The following ADAMTSL3 variants were observed in gnomAD, a reference collection of about 807,000 sequenced individuals.
ADAMTSL3 encodes the protein ADAMTS-like protein 3.
In ADAMTSL3, 128 loss-of-function variants were observed where a neutral mutation model predicts 201.7. That is an observed-to-expected ratio of 0.63 (90% CI 0.55 to 0.73). The LOEUF is 0.73. Ranked by LOEUF, ADAMTSL3 falls within the 30% of genes least tolerant of loss-of-function variation. The pLI is 0.00. For synonymous variants in ADAMTSL3, 738 were observed against 748.4 expected, an observed-to-expected ratio of 0.99 and a Z score of 0.23; for missense variants, 1,990 against 2,119.6, an observed-to-expected ratio of 0.94 and a Z score of 1.20.
rs147684905 is a variant in ADAMTSL3, at chr15:83,921,469, A to G, written c.1988-2435A>G. Among the ~76,000 whole-genome samples the G allele has an allele frequency of 1.8e-4, 27 of 152,308 alleles. No homozygotes were observed. In the East Asian group the frequency reaches 5.2e-3, roughly 29 times the overall value. On this transcript the variant is annotated intron_variant, in intron 16 of 29. Transcript: ENST00000286744. The stretch of plus-strand genomic sequence containing the variant: ...GATTGGCACATAAAAGGCTCTGACT[A>G]TGGATTTTAAAAAATCTCTCCTGGT...
chr15:83,720,189 A>G (rs1896814), intron 3 of ADAMTSL3, among the ~76,000 whole-genome samples: 14,418 of 152,242 alleles, frequency 0.095, 851 homozygotes, highest in East Asian at 0.28. Context: ...ACTGCACTCC[A>G]GCCTGGGTGT....
At chr15:84,003,529 T>C (rs2141866462) in intron 23 of ADAMTSL3, among the ~76,000 whole-genome samples, 1 of 152,282 alleles carries the variant, frequency 6.6e-6, no homozygotes, top group East Asian at 1.9e-4. Context: ...CTGTGTTCCC[T>C]TGGCTCCTCG....
intron 3 of ADAMTSL3, among the ~76,000 whole-genome samples, chr15:83,745,639 A>G (rs1046636387): frequency 2.6e-5 from 4 of 151,892 alleles, no homozygotes; most frequent in Non-Finnish European, 5.9e-5. Flanking sequence ...AGTGCAGTCC[A>G]CCCCTGCCAG....
At chr15:83,905,753 G>A (rs1054149095) in intron 15 of ADAMTSL3, among the ~76,000 whole-genome samples, 5 of 152,074 alleles carry the variant, frequency 3.3e-5, no homozygotes, top group East Asian at 3.9e-4. Context: ...ATTTTCTGGC[G>A]TGGAATTTCT....
At chr15:83,947,428 G>T (rs2066674178) in intron 19 of ADAMTSL3, among the ~76,000 whole-genome samples, 1 of 152,204 alleles carries the variant, frequency 6.6e-6, no homozygotes, top group Admixed American at 6.5e-5. Context: ...TCTGGACCAA[G>T]CCTTAGGCAG....
intron 3 of ADAMTSL3, among the ~76,000 whole-genome samples, chr15:83,705,509 A>G (rs1003762533): frequency 6.6e-6 from 1 of 152,232 alleles, no homozygotes; most frequent in East Asian, 1.9e-4. Context: ...CAACATGGGT[A>G]GATCCAAGAT....
rs1567169780 is a variant in ADAMTSL3, at chr15:83,823,952, CT to C, written c.600+3907del. Among the ~76,000 whole-genome samples, 434 of 92,740 alleles carry C rather than the reference CT, an allele frequency of 4.7e-3. 20 individuals carry two copies. The highest frequency in any genetic ancestry group is 0.026 in the East Asian group (69 of 2,626). 60.8% of individuals were successfully genotyped at this position (92,740 alleles called of 152,430 possible). ...TCTTCTTCTTCTTCTTCTTCTTCTT[CT>C]TCTTCTTCTTCTTCTTCTTCTCCTC... On this transcript the variant is annotated intron_variant, in intron 6 of 29. Coordinates refer to ENST00000286744, the MANE Select transcript of ADAMTSL3 (RefSeq NM_207517.3).
intron 27 of ADAMTSL3, among the ~76,000 whole-genome samples, 179 bp from the exon 28 acceptor site, chr15:84,031,156 A>C (rs1567314077): frequency 6.6e-6 from 1 of 152,140 alleles, no homozygotes; most frequent in African/African-American, 2.4e-5. Flanking sequence ...CTGACTCTGA[A>C]AAAGAGGTGT....
intron 7 of ADAMTSL3, among the ~76,000 whole-genome samples, chr15:83,854,816 A>G (rs1490677055): frequency 6.6e-6 from 1 of 152,164 alleles, no homozygotes; most frequent in Non-Finnish European, 1.5e-5. Context: ...TTTATATGTT[A>G]CTGACAATAT....
chr15:83,874,011 G>A (rs1200840345), intron 9 of ADAMTSL3, among the ~76,000 whole-genome samples: 2 of 145,420 alleles, frequency 1.4e-5, no homozygotes, highest in Non-Finnish European at 3.0e-5. Flanking sequence ...GGCCAAGCCC[G>A]GGGTCCTAAC....
intron 20 of ADAMTSL3, among the ~76,000 whole-genome samples, chr15:83,977,815 A>G (rs2141793427): frequency 6.6e-6 from 1 of 152,282 alleles, no homozygotes; most frequent in South Asian, 2.1e-4. Context: ...AGCAACCTGA[A>G]TTTACTGTAG....
intron 3 of ADAMTSL3, among the ~76,000 whole-genome samples, chr15:83,710,241 C>T (rs1159474277): frequency 1.3e-5 from 2 of 152,156 alleles, no homozygotes; most frequent in Admixed American, 6.5e-5. Context: ...CTTCCTGCTC[C>T]TCTGCCCTTG....
At chr15:83,897,622 C>T (rs189614485) in intron 13 of ADAMTSL3, among the ~76,000 whole-genome samples, 1 of 152,246 alleles carries the variant, frequency 6.6e-6, no homozygotes, top group African/African-American at 2.4e-5. Flanking sequence ...GAACTATGAT[C>T]TCACCTTAAA....
At chr15:83,874,931 G>A (rs2065151040) in intron 9 of ADAMTSL3, among the ~76,000 whole-genome samples, 1 of 145,366 alleles carries the variant, frequency 6.9e-6, no homozygotes, top group Non-Finnish European at 1.5e-5. Context: ...TCTTTCTTGT[G>A]GACCTTCTCA....
chr15:83,729,143 G>T (rs1334703427), intron 3 of ADAMTSL3, among the ~76,000 whole-genome samples: 1 of 152,028 alleles, frequency 6.6e-6, no homozygotes, highest in Non-Finnish European at 1.5e-5. Flanking sequence ...GGGCTCCATT[G>T]TATGCTGTTT....
chr15:83,655,883 C>T, intron 2 of ADAMTSL3, 53 bp downstream of exon 2: 3 of 1,556,986 alleles, frequency 1.9e-6, no homozygotes, highest in Non-Finnish European at 2.6e-6. Flanking sequence ...TCTGTTTACT[C>T]AGAGGCATTA....
chr15:83,808,239 G>A (rs531282297), intron 5 of ADAMTSL3, among the ~76,000 whole-genome samples: 4 of 152,176 alleles, frequency 2.6e-5, no homozygotes, highest in South Asian at 2.1e-4. Context: ...AGCTGGACAC[G>A]GAAATATTTA....
chr15:83,672,158 A>C (rs539770564), intron 2 of ADAMTSL3, among the ~76,000 whole-genome samples: 2 of 152,194 alleles, frequency 1.3e-5, no homozygotes, highest in Non-Finnish European at 2.9e-5. Flanking sequence ...CACCCTGGGA[A>C]TCAGAGTAGA....
chr15:83,804,710 A>G lies in ADAMTSL3; in HGVS notation c.363+15A>G. 1 of 1,568,060 alleles carries G rather than the reference A, an allele frequency of 6.4e-7. No individual in the cohort carries two copies. The highest frequency in any genetic ancestry group is 8.7e-7 in the Non-Finnish European group (1 of 1,155,688). ...GCAGCAATCATGTAAGTCATAAAAT[A>G]AAATTATTTTATCCAATACAATATG... On this transcript the variant is annotated intron_variant, in intron 5 of 29. Transcript: ENST00000286744.
Sources: gnomAD v4.1 joint callset for allele counts (sites outside exome capture counted in the v4.1 genomes callset) on GRCh38, gnomAD v4.1.1 for gene constraint, MANE v1.5 for transcripts, NCBI Gene and HGNC (gene_info 2026-07-23, HGNC 2026-07-21) for gene names.